BMP5: variants seen among roughly 807,000 people sequenced by gnomAD.
BMP5 encodes bone morphogenetic protein 5.
In BMP5, 23 loss-of-function variants were observed where a neutral mutation model predicts 46.6. The observed-to-expected ratio is 0.49, with a 90% CI of 0.35 to 0.70. The LOEUF is 0.70. Among genes scored for constraint, BMP5 ranks in the 30% least tolerant of loss-of-function variants. The pLI, the probability that BMP5 is intolerant of heterozygous loss-of-function variation, is 0.00. For synonymous variants in BMP5, 204 were observed against 191.9 expected (o/e 1.06, Z -0.52); for missense variants, 545 against 565.6 (o/e 0.96, Z 0.37).
chr6:55,770,800 C>T (rs937898821), intron 4 of BMP5, among the ~76,000 whole-genome samples: 2 of 151,906 alleles, frequency 1.3e-5, no homozygotes, highest in East Asian at 3.9e-4. Flanking sequence ...AATATTGTGT[C>T]TCAGGGAATA....
At chr6:55,761,813 G>A (rs1226734213) in intron 4 of BMP5, among the ~76,000 whole-genome samples, 1 of 151,858 alleles carries the variant, frequency 6.6e-6, no homozygotes, top group Non-Finnish European at 1.5e-5. Context: ...CTTCTTGTCT[G>A]TTTCCTCCCA....
intron 1 of BMP5, chr6:55,865,538 G>T: frequency 2.7e-6 from 1 of 374,330 alleles, no homozygotes; most frequent in South Asian, 2.0e-5. Context: ...GCACTCTAGT[G>T]GGGGAACAGA....
intron 2 of BMP5, among the ~76,000 whole-genome samples, chr6:55,795,096 G>T (rs1317658534): frequency 6.6e-6 from 1 of 152,016 alleles, no homozygotes; most frequent in African/African-American, 2.4e-5. Context: ...AGAATAATCT[G>T]CACAGTGTTA....
chr6:55,833,022 A>G (rs1188556611), intron 1 of BMP5, among the ~76,000 whole-genome samples: 1 of 152,154 alleles, frequency 6.6e-6, no homozygotes, highest in Non-Finnish European at 1.5e-5. Flanking sequence ...AGACTCAAGC[A>G]GGAAGATGAC....
At chr6:55,780,821 T>C (rs1040855104) in intron 3 of BMP5, among the ~76,000 whole-genome samples, 14 of 152,110 alleles carry the variant, frequency 9.2e-5, no homozygotes, top group African/African-American at 3.4e-4. Flanking sequence ...CTGAGAACTG[T>C]AAAGCAGCAT....
chr6:55,800,857 T>C (rs1204430116), intron 2 of BMP5, among the ~76,000 whole-genome samples: 1 of 152,158 alleles, frequency 6.6e-6, no homozygotes, highest in Non-Finnish European at 1.5e-5. Context: ...GTTTTCCATT[T>C]TCAGAACACT....
intron 5 of BMP5, among the ~76,000 whole-genome samples, 179 bp downstream of exon 5, chr6:55,760,278 A>G (rs1463497382): frequency 2.0e-5 from 3 of 151,988 alleles, no homozygotes; most frequent in Non-Finnish European, 2.9e-5. Context: ...CCTACTAATC[A>G]TGTTTCAATG....
chr6:55,775,720 C>T (rs1312886453), intron 3 of BMP5, among the ~76,000 whole-genome samples: 1 of 151,832 alleles, frequency 6.6e-6, no homozygotes, highest in African/African-American at 2.4e-5. Context: ...GAAAGCAAGT[C>T]CCCAAAATGG....
At chr6:55,817,805 G>A (rs1378367449) in intron 2 of BMP5, among the ~76,000 whole-genome samples, 1 of 152,088 alleles carries the variant, frequency 6.6e-6, no homozygotes, top group African/African-American at 2.4e-5. Context: ...TGTCCACAAT[G>A]ACAAACACTC....
At chr6:55,853,040 G>GC (rs1395203190) in intron 1 of BMP5, among the ~76,000 whole-genome samples, 1 of 151,742 alleles carries the variant, frequency 6.6e-6, no homozygotes, top group Non-Finnish European at 1.5e-5. Context: ...TGAGGCAGGA[G>GC]AATCACTTGA....
At chr6:55,837,065 TTC>T (rs1491264512) in intron 1 of BMP5, among the ~76,000 whole-genome samples, 7 of 151,714 alleles carry the variant, frequency 4.6e-5, no homozygotes, top group African/African-American at 1.7e-4. Context: ...TTTTTTTTTT[TTC>T]CTGAGAAAGA....
chr6:55,836,729 A>G (rs1776803798), intron 1 of BMP5, among the ~76,000 whole-genome samples: 1 of 152,012 alleles, frequency 6.6e-6, no homozygotes, highest in African/African-American at 2.4e-5. Flanking sequence ...ACTGGTGCCA[A>G]CTAACATATT....
intron 4 of BMP5, among the ~76,000 whole-genome samples, chr6:55,761,252 C>A (rs1480715595): frequency 6.6e-6 from 1 of 152,004 alleles, no homozygotes; most frequent in African/African-American, 2.4e-5. Context: ...TCCAAGACAC[C>A]ATCATCTCTG....
chr6:55,822,059 G>A (rs1164975851), intron 1 of BMP5, among the ~76,000 whole-genome samples: 1 of 152,062 alleles, frequency 6.6e-6, no homozygotes, highest in South Asian at 2.1e-4. Context: ...CAGCCTACAA[G>A]GTAGGTTCTC....
intron 3 of BMP5, among the ~76,000 whole-genome samples, chr6:55,782,730 G>C (rs1440098754): frequency 6.6e-6 from 1 of 152,076 alleles, no homozygotes; most frequent in African/African-American, 2.4e-5. Flanking sequence ...CAGGGACATT[G>C]GGAATTGAAA....
intron 1 of BMP5, among the ~76,000 whole-genome samples, chr6:55,840,204 T>C (rs375069051): frequency 1.2e-4 from 19 of 152,278 alleles, no homozygotes; most frequent in East Asian, 7.7e-4. Context: ...ATTTTTTATA[T>C]TAACTTTGTA....
At chr6:55,759,239 G>T (rs1582041334) in intron 5 of BMP5, 124 bp from the exon 6 acceptor site, 1 of 617,778 alleles carries the variant, frequency 1.6e-6, no homozygotes, top group Middle Eastern at 4.4e-4. Context: ...AAAAGTTATT[G>T]AAATATATTG....
At chr6:55,865,963 A>G (rs546635040) in intron 1 of BMP5, among the ~76,000 whole-genome samples, 1 of 152,322 alleles carries the variant, frequency 6.6e-6, no homozygotes, top group Admixed American at 6.5e-5. Context: ...TTAAGGGAGA[A>G]CCAAATGACC....
At chr6:55,757,613 T>TA (rs1425602128) in intron 6 of BMP5, among the ~76,000 whole-genome samples, 3 of 152,068 alleles carry the variant, frequency 2.0e-5, no homozygotes, top group South Asian at 2.1e-4. Flanking sequence ...AGCTTATACT[T>TA]ACAGATAGCA....
Sources: allele counts gnomAD v4.1 joint callset (sites outside exome capture counted in the v4.1 genomes callset), GRCh38; gene constraint gnomAD v4.1.1; transcripts MANE v1.5; gene names NCBI Gene and HGNC (gene_info 2026-07-23, HGNC 2026-07-21).